ODAD2: variants seen among roughly 807,000 people sequenced by gnomAD.
ODAD2 encodes the protein outer dynein arm docking complex subunit 2.
ODAD2 carries 89 observed loss-of-function variants against 106.8 expected under a neutral mutation model. The ratio of observed to expected loss-of-function variants is 0.83; its 90% CI spans 0.70 to 0.99. The LOEUF (loss-of-function observed/expected upper bound fraction) is 0.99, where lower values mean the gene tolerates loss of function less well. Ranked by LOEUF, ODAD2 falls within the 50% of genes least tolerant of loss-of-function variation. ODAD2 has a pLI of 0.00. For synonymous variants in ODAD2, 404 were observed against 436.2 expected, an observed-to-expected ratio of 0.93 and a Z score of 0.92; for missense variants, 1,168 against 1,238.5, an observed-to-expected ratio of 0.94 and a Z score of 0.85.
chr10:27,909,591 G>T (rs986959669), intron 16 of ODAD2, among the ~76,000 whole-genome samples: 3 of 151,998 alleles, frequency 2.0e-5, no homozygotes, highest in African/African-American at 7.2e-5. Context: ...GCGAAGGCAG[G>T]CAGATCACTT....
intron 16 of ODAD2, among the ~76,000 whole-genome samples, chr10:27,921,834 TTA>T (rs78457752): frequency 0.082 from 11,959 of 145,938 alleles, 523 homozygotes; most frequent in East Asian, 0.19. Flanking sequence ...GAGCAGTATT[TTA>T]TTTTTTTTTT....
intron 17 of ODAD2, among the ~76,000 whole-genome samples, chr10:27,904,542 A>C (rs540418366): frequency 6.6e-6 from 1 of 152,328 alleles, no homozygotes; most frequent in South Asian, 2.1e-4. Flanking sequence ...TTGACTTGCC[A>C]CTTTTATCAT....
At chr10:27,963,010 A>C (rs950857613) in intron 9 of ODAD2, among the ~76,000 whole-genome samples, 3 of 147,266 alleles carry the variant, frequency 2.0e-5, no homozygotes, top group Admixed American at 6.8e-5. Context: ...TGCCCTGTGT[A>C]CTTTTTTTTT....
chr10:27,886,588 AAAAT>A (rs2133652862), intron 17 of ODAD2, among the ~76,000 whole-genome samples: 1 of 152,208 alleles, frequency 6.6e-6, no homozygotes, highest in African/African-American at 2.4e-5. Flanking sequence ...TTCTTTGGTA[AAAAT>A]AAATAGATGA....
intron 16 of ODAD2, among the ~76,000 whole-genome samples, chr10:27,913,298 G>A (rs990902161): frequency 1.3e-5 from 2 of 152,040 alleles, no homozygotes; most frequent in Admixed American, 1.3e-4. Flanking sequence ...CCATCTTCAA[G>A]TAGGCCCTGG....
intron 7 of ODAD2, among the ~76,000 whole-genome samples, chr10:27,979,445 T>TACACACAC (rs35697488): frequency 7.1e-6 from 1 of 141,842 alleles, no homozygotes; most frequent in Admixed American, 7.2e-5. Context: ...CACACACCCA[T>TACACACAC]ACACACACAC....
intron 16 of ODAD2, among the ~76,000 whole-genome samples, chr10:27,923,247 T>C (rs759905436): frequency 6.6e-6 from 1 of 152,202 alleles, no homozygotes; most frequent in Non-Finnish European, 1.5e-5. Context: ...ATTTATATAC[T>C]GCATGCAAGG....
intron 17 of ODAD2, among the ~76,000 whole-genome samples, chr10:27,901,381 A>C (rs1266209689): frequency 6.6e-6 from 1 of 152,138 alleles, no homozygotes; most frequent in African/African-American, 2.4e-5. Flanking sequence ...AAAGACCATC[A>C]ACACTATGAA....
Position 27,984,306 on chromosome 10 carries a change from A to C in ODAD2, c.576-16T>G. Reference sequence around the variant, plus strand: ...ACTTATTTCTCTGAAATAAATGTTTAAAATGTCAGCTTAAATACTTTAAAC... The same window carrying C: ...ACTTATTTCTCTGAAATAAATGTTTCAAATGTCAGCTTAAATACTTTAAAC... On this transcript the variant is annotated splice_polypyrimidine_tract_variant and intron_variant, in intron 4 of 19. Coordinates refer to ENST00000305242, the MANE Select transcript of ODAD2 (RefSeq NM_018076.5). The C allele has an allele frequency of 6.5e-7, 1 of 1,530,352 alleles. No individual in the cohort carries two copies. 94.8% of individuals were successfully genotyped at this position (1,530,352 alleles called of 1,614,324 possible).
chr10:27,817,596 T>C (rs1217983266), intron 19 of ODAD2, among the ~76,000 whole-genome samples: 1 of 152,188 alleles, frequency 6.6e-6, no homozygotes. Flanking sequence ...GTTTTGACTT[T>C]CTGTTTCTGA....
intron 12 of ODAD2, among the ~76,000 whole-genome samples, chr10:27,942,216 G>T (rs1033174881): frequency 6.6e-6 from 1 of 152,164 alleles, no homozygotes. Context: ...TTTATTCCTT[G>T]ATTTAACCCA....
At chr10:27,942,137 G>A (rs11818690) in intron 12 of ODAD2, among the ~76,000 whole-genome samples, 10,347 of 152,236 alleles carry the variant, frequency 0.068, 1,116 homozygotes, top group African/African-American at 0.23. Flanking sequence ...AAAGCCCGTA[G>A]CATTTGTGAC....
intron 17 of ODAD2, among the ~76,000 whole-genome samples, chr10:27,887,958 G>T (rs541088705): frequency 2.6e-5 from 4 of 151,968 alleles, no homozygotes; most frequent in South Asian, 2.1e-4. Context: ...CAAATTTCTA[G>T]AAACAAACAA....
At chr10:27,844,598 A>C (rs1313587265) in intron 19 of ODAD2, among the ~76,000 whole-genome samples, 1 of 152,200 alleles carries the variant, frequency 6.6e-6, no homozygotes, top group Non-Finnish European at 1.5e-5. Flanking sequence ...CAAGTTATTT[A>C]ATCTTTATGA....
At chr10:27,973,529 C>A (rs921032775) in intron 7 of ODAD2, among the ~76,000 whole-genome samples, 5 of 152,076 alleles carry the variant, frequency 3.3e-5, no homozygotes, top group African/African-American at 1.2e-4. Context: ...TATTGCTCCC[C>A]TTTGTGTCCA....
At chr10:27,987,338 A>C (rs1351168461) in intron 3 of ODAD2, 48 bp downstream of exon 3, 1 of 1,570,724 alleles carries the variant, frequency 6.4e-7, no homozygotes, top group Non-Finnish European at 8.7e-7. Flanking sequence ...CTTTCCCAGC[A>C]AGATTGTTTC....
chr10:27,869,963 T>C (rs1840737836), intron 17 of ODAD2, among the ~76,000 whole-genome samples: 1 of 152,168 alleles, frequency 6.6e-6, no homozygotes, highest in Admixed American at 6.5e-5. Flanking sequence ...ATCAGTGTTC[T>C]AATATTGAGT....
chr10:27,871,918 T>G (rs944246963), intron 17 of ODAD2, among the ~76,000 whole-genome samples: 2 of 152,188 alleles, frequency 1.3e-5, no homozygotes, highest in Non-Finnish European at 2.9e-5. Flanking sequence ...TTCATGGAGA[T>G]GGTATTAAAT....
chr10:27,969,108 A>G, intron 8 of ODAD2, 90 bp from the exon 9 acceptor site: 1 of 615,306 alleles, frequency 1.6e-6, no homozygotes, highest in Non-Finnish European at 2.9e-6. Flanking sequence ...ATACTCCGTT[A>G]TTTCCATGTG....
Sources: allele counts gnomAD v4.1 joint callset (sites outside exome capture counted in the v4.1 genomes callset), GRCh38; gene constraint gnomAD v4.1.1; transcripts MANE v1.5; gene names NCBI Gene and HGNC (gene_info 2026-07-23, HGNC 2026-07-21).